The following ZFHX3 variants were observed in gnomAD, a reference collection of about 807,000 sequenced individuals.
ZFHX3 encodes zinc finger homeobox 3.
In ZFHX3, 42 loss-of-function variants were observed where a neutral mutation model predicts 279.1. That is an observed-to-expected ratio of 0.15 (90% CI 0.12 to 0.19). The LOEUF is 0.19. Among genes scored for constraint, ZFHX3 ranks in the 10% least tolerant of loss-of-function variants. ZFHX3 has a pLI of 1.00. For missense variants in ZFHX3, 4,981 were observed against 4,754.0 expected, an observed-to-expected ratio of 1.05 and a Z score of -1.40; for synonymous variants, 2,293 against 1,957.8, an observed-to-expected ratio of 1.17 and a Z score of -4.52.
chr16:73,583,100 C>T (rs7189538), intron 2 of ZFHX3, among the ~76,000 whole-genome samples: 75,166 of 152,032 alleles, frequency 0.49, 21,023 homozygotes, highest in East Asian at 0.79. Context: ...GCTATGGAGA[C>T]GCTGACATGG....
intron 7 of ZFHX3, chr16:72,806,863 G>A (rs1206868117): frequency 6.6e-6 from 1 of 152,164 alleles, no homozygotes; most frequent in African/African-American, 2.4e-5. Context: ...GCTACAGAAG[G>A]TGTTCCTAAG....
chr16:73,386,642 G>T lies in ZFHX3; in HGVS notation c.-1290-68306C>A, dbSNP rs554111135. Among the ~76,000 whole-genome samples the T allele has an allele frequency of 2.6e-5, 4 of 152,084 alleles. No individual in the cohort carries two copies. The East Asian group carries it at 7.7e-4, about 29-fold the overall frequency. ...TTTCAGCCTCAGCGACAGACCTATTGCTAGGTTTATATCTGACAGGTGGCT... is the reference window on the plus strand; with the variant it reads ...TTTCAGCCTCAGCGACAGACCTATTTCTAGGTTTATATCTGACAGGTGGCT... On this transcript the variant is annotated intron_variant, in intron 3 of 17. Transcript: ENST00000641206.
intron 3 of ZFHX3, among the ~76,000 whole-genome samples, chr16:73,344,123 T>C (rs934656699): frequency 1.3e-5 from 2 of 152,188 alleles, no homozygotes; most frequent in Non-Finnish European, 2.9e-5. Context: ...ATAGCAACCT[T>C]ATAATGGAGA....
rs1201200791 is a variant in ZFHX3, at chr16:72,797,089, A to G, written c.5593T>C (p.Ser1865Pro). ...TGCTGGCTTGGCTGAAGGAGGGCAG[A>G]GTGACTCTGGGCTATAGAGAGTTGG... The part of the protein sequence containing the change: ...QNQLSIAQSH[S>P]ALLQPSQHPE... The change falls in exon 9 of 10, where the codon TCT (serine) becomes CCT (proline). Residue 1865 changes from serine to proline, a missense_variant. Transcript: ENST00000268489. 1 of 1,613,874 alleles carries G rather than the reference A, an allele frequency of 6.2e-7. No individual in the cohort carries two copies. Among genetic ancestry groups the G allele is most frequent in the South Asian group, 1.1e-5 (1 of 91,064 alleles).
intron 1 of ZFHX3, among the ~76,000 whole-genome samples, chr16:73,884,622 T>A (rs1266327922): frequency 6.6e-6 from 1 of 152,194 alleles, no homozygotes; most frequent in African/African-American, 2.4e-5. Flanking sequence ...ATGACCACGG[T>A]TGACAGCTTC....
chr16:72,959,011 G>C lies in ZFHX3; in HGVS notation c.1135C>G (p.Leu379Val), dbSNP rs147445846. The C allele has an allele frequency of 2.8e-3, 4,543 of 1,611,296 alleles. 16 individuals carry two copies. The highest frequency in any genetic ancestry group is 0.016 in the African/African-American group (1,233 of 74,788). The change falls in exon 2 of 10, where the codon CTC (leucine) becomes GTC (valine). Residue 379 changes from leucine to valine, a missense_variant. Transcript: ENST00000268489. ...SGIRMEGEEA[L>V]PAGSAAGPEQ... ...GGGCCAGCGGCGGAGCCCGCTGGGAGAGCTTCCTCCCCTTCCATTCGAATG... is the reference window on the plus strand; with the variant it reads ...GGGCCAGCGGCGGAGCCCGCTGGGACAGCTTCCTCCCCTTCCATTCGAATG...
intron 2 of ZFHX3, among the ~76,000 whole-genome samples, chr16:73,556,438 G>A (rs1339102455): frequency 6.6e-6 from 1 of 152,170 alleles, no homozygotes; most frequent in Non-Finnish European, 1.5e-5. Flanking sequence ...TACTTCAAAA[G>A]AGGCAGTCAG....
intron 4 of ZFHX3, among the ~76,000 whole-genome samples, chr16:73,261,668 GTTTTTTTTTT>G (rs1187489542): frequency 1.2e-5 from 1 of 80,716 alleles, no homozygotes; most frequent in Non-Finnish European, 2.3e-5. Context: ...TCCTGTGATT[GTTTTTTTTTT>G]TTTTTTTTTT....
At chr16:73,198,689 A>G (rs1314523456) in intron 5 of ZFHX3, among the ~76,000 whole-genome samples, 1 of 152,186 alleles carries the variant, frequency 6.6e-6, no homozygotes, top group Non-Finnish European at 1.5e-5. Flanking sequence ...TCCTCGCTAC[A>G]GAAACTTCCT....
At chr16:73,673,490 C>T (rs750750212) in intron 2 of ZFHX3, among the ~76,000 whole-genome samples, 4 of 152,138 alleles carry the variant, frequency 2.6e-5, no homozygotes, top group Admixed American at 6.6e-5. Flanking sequence ...CCCAGGCTAT[C>T]ACCAAGAAGT....
At chr16:73,416,844 A>G (rs1344562797) in intron 3 of ZFHX3, among the ~76,000 whole-genome samples, 2 of 151,708 alleles carry the variant, frequency 1.3e-5, no homozygotes, top group Non-Finnish European at 2.9e-5. Flanking sequence ...ACTGCACTCC[A>G]GCCTGGGCGA....
chr16:73,457,838 T>C (rs1160999103), intron 2 of ZFHX3, among the ~76,000 whole-genome samples: 1 of 152,214 alleles, frequency 6.6e-6, no homozygotes, highest in Admixed American at 6.5e-5. Context: ...GATGACTCAG[T>C]GAAGGAATGC....
intron 1 of ZFHX3, among the ~76,000 whole-genome samples, chr16:73,004,089 A>C (rs1472467749): frequency 6.9e-6 from 1 of 144,648 alleles, no homozygotes; most frequent in African/African-American, 2.6e-5. Flanking sequence ...TGAATTGTCC[A>C]TTTGTGTTCT....
At chr16:73,107,675 G>A (rs1220271874) in intron 7 of ZFHX3, among the ~76,000 whole-genome samples, 1 of 152,150 alleles carries the variant, frequency 6.6e-6, no homozygotes, top group Non-Finnish European at 1.5e-5. Flanking sequence ...GCAGCACCAC[G>A]CGTATTTGGT....
chr16:73,125,113 C>T (rs1966546777), intron 7 of ZFHX3: 1 of 151,844 alleles, frequency 6.6e-6, no homozygotes, highest in African/African-American at 2.4e-5. Context: ...GATCATGTAC[C>T]TAGCACCCAG....
At chr16:73,369,220 C>T (rs1364304362) in intron 3 of ZFHX3, among the ~76,000 whole-genome samples, 1 of 152,150 alleles carries the variant, frequency 6.6e-6, no homozygotes, top group African/African-American at 2.4e-5. Context: ...TTTCTACTTG[C>T]CAGCATGGAT....
intron 3 of ZFHX3, among the ~76,000 whole-genome samples, chr16:72,949,658 G>A (rs1476069918): frequency 6.6e-6 from 1 of 151,420 alleles, no homozygotes; most frequent in East Asian, 1.9e-4. Flanking sequence ...GAGGAGAAGA[G>A]ACAGAGGAAG....
intron 3 of ZFHX3, among the ~76,000 whole-genome samples, chr16:73,376,318 C>T (rs537011592): frequency 1.2e-4 from 19 of 152,334 alleles, no homozygotes; most frequent in African/African-American, 3.1e-4. Context: ...AAGGTCATTA[C>T]CGACTTGTTA....
Position 72,824,196 on chromosome 16 carries a change from C to T in ZFHX3, c.3529+5583G>A, listed in dbSNP as rs1018990394. Among the ~76,000 whole-genome samples the T allele has an allele frequency of 2.6e-5, 4 of 152,166 alleles. No individual in the cohort carries two copies. In the South Asian group the frequency reaches 8.3e-4, roughly 31 times the overall value. On this transcript the variant is annotated intron_variant, in intron 5 of 9. Transcript: ENST00000268489. ...TATGCAGCAGGAGCCATACGCTATA[C>T]ATTTATGTTAAACATGTCAAATCCG...
Sources: allele counts gnomAD v4.1 joint callset (sites outside exome capture counted in the v4.1 genomes callset), GRCh38; gene constraint gnomAD v4.1.1; transcripts MANE v1.5; gene names NCBI Gene and HGNC (gene_info 2026-07-23, HGNC 2026-07-21).